Variants in IPPK observed in about 807,000 individuals in gnomAD.
IPPK encodes IPK1 homolog.
Under a neutral mutation model 64.6 loss-of-function variants are expected in IPPK, and 22 were observed. The observed-to-expected ratio is 0.34, with a 90% CI of 0.24 to 0.49. The LOEUF (loss-of-function observed/expected upper bound fraction) is 0.49. IPPK is among the 20% of genes least tolerant of loss of function. The pLI is 0.99. For synonymous variants in IPPK, 262 were observed against 247.2 expected (o/e 1.06, Z -0.56); for missense variants, 532 against 630.7 (o/e 0.84, Z 1.68).
intron 6 of IPPK, among the ~76,000 whole-genome samples, chr9:92,644,954 CCAGA>C (rs1265212810): frequency 2.6e-5 from 4 of 152,152 alleles, no homozygotes; most frequent in East Asian, 1.9e-4. Context: ...ACTGGACTTA[CCAGA>C]CAAAGACTTC....
chr9:92,661,038 G>A (rs1852471990), intron 1 of IPPK, among the ~76,000 whole-genome samples: 1 of 152,202 alleles, frequency 6.6e-6, no homozygotes, highest in Non-Finnish European at 1.5e-5. Flanking sequence ...CTTCCTGCTA[G>A]CACTTATTAA....
chr9:92,654,001 C>T (rs770847954), intron 3 of IPPK, among the ~76,000 whole-genome samples: 1 of 152,168 alleles, frequency 6.6e-6, no homozygotes, highest in African/African-American at 2.4e-5. Flanking sequence ...CACACAAGGC[C>T]GTCACTCTGC....
chr9:92,619,616 C>A (rs762465593), intron 11 of IPPK, 51 bp from the exon 12 acceptor site: 45 of 1,451,710 alleles, frequency 3.1e-5, no homozygotes, highest in Non-Finnish European at 4.2e-5. Context: ...GCCTCTGCCC[C>A]CCCACACAAC....
Position 92,615,859 on chromosome 9 carries a change from A to G in IPPK, c.1449T>C (p.Asp483=), listed in dbSNP as rs1383277781. Reference sequence around the variant, plus strand: ...AGACCTTGTGGAGAACTAATGTGCAATCTTCGCTTTCCTTGAACCGAGTCG... The same window carrying G: ...AGACCTTGTGGAGAACTAATGTGCAGTCTTCGCTTTCCTTGAACCGAGTCG... The part of the protein sequence containing the change: ...VMSTRFKESE[D]CTLVLHKV The change falls in exon 13 of 13, where the codon GAT becomes GAC. Residue 483 remains aspartate, a synonymous_variant. Coordinates refer to ENST00000287996, the MANE Select transcript of IPPK (RefSeq NM_022755.6). 1.2e-6 allele frequency: 2 copies of G among 1,614,052 alleles called. No individual in the cohort carries two copies. Among genetic ancestry groups the G allele is most frequent in the Middle Eastern group, 1.7e-4 (1 of 6,054 alleles).
chr9:92,618,031 A>G, intron 12 of IPPK: 1 of 350,666 alleles, frequency 2.9e-6, no homozygotes, highest in South Asian at 2.1e-5. Context: ...TCAAGACGCC[A>G]AGATGACTCA....
At chr9:92,637,557 G>C (rs1267078191) in intron 9 of IPPK, among the ~76,000 whole-genome samples, 1 of 151,914 alleles carries the variant, frequency 6.6e-6, no homozygotes, top group Non-Finnish European at 1.5e-5. Context: ...ATGGGTCTGT[G>C]TCTTCACCCC....
chr9:92,657,372 CT>C (rs1419695865), intron 2 of IPPK, among the ~76,000 whole-genome samples: 1 of 152,090 alleles, frequency 6.6e-6, no homozygotes, highest in East Asian at 1.9e-4. Flanking sequence ...TAAAGCCCCC[CT>C]GGTCAACAGA....
intron 11 of IPPK, among the ~76,000 whole-genome samples, chr9:92,631,193 AT>A (rs61202690): frequency 0.2 from 26,465 of 131,140 alleles, 2,103 homozygotes; most frequent in East Asian, 0.61. Flanking sequence ...ACACAGTTCA[AT>A]TTTTTTTTTT....
chr9:92,620,805 T>C (rs1279293316), intron 11 of IPPK, among the ~76,000 whole-genome samples: 2 of 152,182 alleles, frequency 1.3e-5, no homozygotes, highest in African/African-American at 2.4e-5. Context: ...CCTTACACTC[T>C]ATTCAGTTAG....
At chr9:92,631,194 T>TC (rs1491551938) in intron 11 of IPPK, among the ~76,000 whole-genome samples, 4 of 79,794 alleles carry the variant, frequency 5.0e-5, no homozygotes, top group African/African-American at 1.7e-4. Context: ...CACAGTTCAA[T>TC]TTTTTTTTTT....
At chr9:92,639,841 G>A (rs543431478) in intron 8 of IPPK, among the ~76,000 whole-genome samples, 1 of 152,344 alleles carries the variant, frequency 6.6e-6, no homozygotes, top group African/African-American at 2.4e-5. Flanking sequence ...CTGCCCAGCA[G>A]CCAGCGCCAT....
At chr9:92,621,717 A>G (rs1364307252) in intron 11 of IPPK, among the ~76,000 whole-genome samples, 1 of 151,726 alleles carries the variant, frequency 6.6e-6, no homozygotes, top group Non-Finnish European at 1.5e-5. Context: ...AGGTCTCGCT[A>G]TGTTGCCCAG....
intron 5 of IPPK, among the ~76,000 whole-genome samples, chr9:92,648,535 C>T (rs1295290218): frequency 6.6e-6 from 1 of 152,222 alleles, no homozygotes; most frequent in East Asian, 1.9e-4. Context: ...GCACATGGCC[C>T]GACAGAGGCC....
At chr9:92,653,858 C>CA (rs1564039094) in intron 3 of IPPK, among the ~76,000 whole-genome samples, 1 of 152,212 alleles carries the variant, frequency 6.6e-6, no homozygotes, top group South Asian at 2.1e-4. Flanking sequence ...ACAAAAACAA[C>CA]AAAAAAAGAA....
intron 11 of IPPK, among the ~76,000 whole-genome samples, chr9:92,627,015 G>T (rs947685460): frequency 6.6e-6 from 1 of 151,616 alleles, no homozygotes; most frequent in Non-Finnish European, 1.5e-5. Context: ...GATACAGAGG[G>T]AATTTACCAA....
chr9:92,661,779 C>T (rs1852490054), intron 1 of IPPK, among the ~76,000 whole-genome samples: 2 of 152,246 alleles, frequency 1.3e-5, no homozygotes, highest in South Asian at 4.1e-4. Context: ...AATACCAAAA[C>T]TCAGACACAC....
intron 11 of IPPK, among the ~76,000 whole-genome samples, chr9:92,624,459 C>CA (rs113513833): frequency 0.012 from 1,695 of 138,932 alleles, 23 homozygotes; most frequent in African/African-American, 0.039. Flanking sequence ...ACTCCATCTC[C>CA]AAAAAAAAAA....
At chr9:92,654,279 G>A (rs1184567119) in intron 3 of IPPK, among the ~76,000 whole-genome samples, 3 of 152,226 alleles carry the variant, frequency 2.0e-5, no homozygotes, top group African/African-American at 7.2e-5. Context: ...CACTTTAGGA[G>A]GACAAGGCGG....
chr9:92,633,106 G>A (rs963485448), intron 11 of IPPK, among the ~76,000 whole-genome samples: 5 of 151,836 alleles, frequency 3.3e-5, no homozygotes, highest in African/African-American at 1.2e-4. Context: ...TGCCTCCCAG[G>A]TTCAAGTGAT....
Sources: gnomAD v4.1 joint callset for allele counts (sites outside exome capture counted in the v4.1 genomes callset) on GRCh38, gnomAD v4.1.1 for gene constraint, MANE v1.5 for transcripts, NCBI Gene and HGNC (gene_info 2026-07-23, HGNC 2026-07-21) for gene names.